Variants in FBXW7 observed in about 807,000 individuals in gnomAD.
FBXW7 encodes the protein F-box/WD repeat-containing protein 7.
FBXW7 carries 11 observed loss-of-function variants against 86.3 expected under a neutral mutation model. The ratio of observed to expected loss-of-function variants is 0.13; its 90% CI spans 0.08 to 0.21. The LOEUF (loss-of-function observed/expected upper bound fraction) is 0.21, where lower values mean the gene tolerates loss of function less well. FBXW7 is among the 10% of genes least tolerant of loss of function. FBXW7 has a pLI of 1.00. For missense variants in FBXW7, 488 were observed against 847.4 expected, an observed-to-expected ratio of 0.58 and a Z score of 5.27; for synonymous variants, 313 against 297.9, an observed-to-expected ratio of 1.05 and a Z score of -0.52.
chr4:152,496,109 C>T (rs1746319178), intron 2 of FBXW7, among the ~76,000 whole-genome samples: 2 of 152,070 alleles, frequency 1.3e-5, no homozygotes, highest in South Asian at 4.1e-4. Context: ...CCCAGGCAGT[C>T]AAGGCTGTGG....
chr4:152,423,335 G>C (rs1484514708), intron 2 of FBXW7, among the ~76,000 whole-genome samples: 1 of 152,074 alleles, frequency 6.6e-6, no homozygotes, highest in Non-Finnish European at 1.5e-5. Flanking sequence ...TGGTAATGCT[G>C]TATTACATGG....
intron 2 of FBXW7, among the ~76,000 whole-genome samples, chr4:152,436,703 T>A (rs981072400): frequency 6.6e-6 from 1 of 152,218 alleles, no homozygotes; most frequent in African/African-American, 2.4e-5. Flanking sequence ...GGTAGAACAG[T>A]GCTCATTTAC....
At chr4:152,440,548 A>C (rs1210469152) in intron 2 of FBXW7, among the ~76,000 whole-genome samples, 2 of 152,216 alleles carry the variant, frequency 1.3e-5, no homozygotes, top group African/African-American at 2.4e-5. Flanking sequence ...TAAAATATTT[A>C]AGTTTACCTG....
At chr4:152,492,344 T>C (rs1227655903) in intron 2 of FBXW7, among the ~76,000 whole-genome samples, 1 of 152,176 alleles carries the variant, frequency 6.6e-6, no homozygotes, top group African/African-American at 2.4e-5. Context: ...CGACTGTAAA[T>C]ATAATTTTTA....
chr4:152,516,050 TGGA>T (rs1370450024), intron 2 of FBXW7, among the ~76,000 whole-genome samples: 1 of 152,176 alleles, frequency 6.6e-6, no homozygotes, highest in Non-Finnish European at 1.5e-5. Context: ...CCGGTGAGCC[TGGA>T]GGAGAACCCA....
chr4:152,433,581 A>G (rs1036565402), intron 2 of FBXW7, among the ~76,000 whole-genome samples: 11 of 152,164 alleles, frequency 7.2e-5, no homozygotes, highest in African/African-American at 2.4e-4. Context: ...AAATAAATCA[A>G]TGACTCCTGT....
Position 152,535,271 on chromosome 4 carries a change from G to A in FBXW7, c.-357C>T, listed in dbSNP as rs1264355875. 3.7e-6 allele frequency: 1 copy of A among 266,852 alleles called. No homozygotes were observed. Among genetic ancestry groups the A allele is most frequent in the South Asian group, 1.7e-4 (1 of 5,878 alleles). 16.5% of individuals were successfully genotyped at this position (266,852 alleles called of 1,614,324 possible). ...GGTGGAGGCTGCGGCCGGCCCCCCGGGTCCCCCCCGGCCCCGCCGCCCTCG... is the reference window on the plus strand; with the variant it reads ...GGTGGAGGCTGCGGCCGGCCCCCCGAGTCCCCCCCGGCCCCGCCGCCCTCG... On this transcript the variant is annotated 5_prime_UTR_variant, in exon 1 of 14. Transcript: ENST00000281708.
Position 152,535,813 on chromosome 4 carries a change from G to C in FBXW7, c.-899C>G, listed in dbSNP as rs1478994932. ...CCTGCCCCCCAAGCCGCCGGCTCCG[G>C]CTCAGGCTCGGGCTCCGGCTCTGGC... On this transcript the variant is annotated 5_prime_UTR_variant, in exon 1 of 14. Transcript: ENST00000281708. 2.5e-6 allele frequency: 1 copy of C among 392,494 alleles called. No homozygotes were observed. The highest frequency in any genetic ancestry group is 3.6e-5 in the East Asian group (1 of 27,648). The allele number at this position is 392,494 out of a possible 1,614,324, so 24.3% of individuals were successfully genotyped here.
At chr4:152,331,526 GAGACAGAAAGT>G (rs1364007864) in intron 8 of FBXW7, among the ~76,000 whole-genome samples, 2 of 152,010 alleles carry the variant, frequency 1.3e-5, no homozygotes, top group Admixed American at 1.3e-4. Context: ...CAAACTCATA[GAGACAGAAAGT>G]AAAAGGGTGG....
intron 5 of FBXW7, chr4:152,348,822 A>T: frequency 2.4e-6 from 1 of 412,586 alleles, no homozygotes; most frequent in East Asian, 1.1e-4. Flanking sequence ...GAATAGTTTC[A>T]CTTGTCTCTC....
At chr4:152,481,871 T>C (rs1744914146) in intron 2 of FBXW7, among the ~76,000 whole-genome samples, 1 of 152,232 alleles carries the variant, frequency 6.6e-6, no homozygotes, top group Non-Finnish European at 1.5e-5. Context: ...TTTCTTTAGA[T>C]GGAATCCACT....
rs533840052 is a variant in FBXW7 at position 152,330,153 on chromosome 4, A to G, written c.1123-368T>C. 9.2e-5 allele frequency among the ~76,000 whole-genome samples: 14 copies of G among 152,030 alleles called. No homozygotes were observed. In the South Asian group the frequency reaches 2.9e-3, roughly 31 times the overall value. On this transcript the variant is annotated intron_variant, in intron 9 of 13. Coordinates refer to ENST00000281708, the MANE Select transcript of FBXW7 (RefSeq NM_001349798.2). Reference sequence around the variant, plus strand: ...AACAAAATAAGCATCTATTAACCACAAAGAGTAACAATTATTAGCATTCTT... The same window carrying G: ...AACAAAATAAGCATCTATTAACCACGAAGAGTAACAATTATTAGCATTCTT...
chr4:152,469,769 A>G (rs1271206621), intron 2 of FBXW7, among the ~76,000 whole-genome samples: 1 of 152,150 alleles, frequency 6.6e-6, no homozygotes, highest in East Asian at 1.9e-4. Context: ...AAAGAACAAG[A>G]GAGAAAAGGA....
At chr4:152,530,055 CA>C (rs576815451) in intron 2 of FBXW7, among the ~76,000 whole-genome samples, 452 of 82,808 alleles carry the variant, frequency 5.5e-3, no homozygotes, top group Middle Eastern at 6.5e-3. Flanking sequence ...GACCCCGTCA[CA>C]AAAAAAAAAA....
chr4:152,411,133 C>T, intron 4 of FBXW7, 170 bp downstream of exon 4: 2 of 1,082,030 alleles, frequency 1.8e-6, no homozygotes, highest in Non-Finnish European at 2.5e-6. Context: ...ATCAGTATTT[C>T]TACTTGTAAT....
At chr4:152,404,949 C>G (rs766171577) in intron 4 of FBXW7, among the ~76,000 whole-genome samples, 8 of 151,656 alleles carry the variant, frequency 5.3e-5, no homozygotes, top group Non-Finnish European at 8.8e-5. Flanking sequence ...AAAAATTAGC[C>G]AAGCGTGGTG....
intron 5 of FBXW7, among the ~76,000 whole-genome samples, chr4:152,348,154 TC>T (rs1025620570): frequency 2.0e-4 from 31 of 152,212 alleles, no homozygotes; most frequent in African/African-American, 7.2e-4. Context: ...GCTGTTTTTT[TC>T]TATCCAGCAT....
intron 2 of FBXW7, among the ~76,000 whole-genome samples, chr4:152,439,233 AT>A (rs913424260): frequency 3.8e-4 from 56 of 148,170 alleles, no homozygotes; most frequent in African/African-American, 6.9e-4. Flanking sequence ...TCCCACGTTA[AT>A]TTTTTTTTTT....
Position 152,322,698 on chromosome 4 carries a change from TGTC to T in FBXW7, c.*180_*182del. 9.9e-7 allele frequency: 1 copy of T among 1,007,678 alleles called. No homozygotes were observed. Among genetic ancestry groups the T allele is most frequent in the African/African-American group, 1.6e-5 (1 of 61,802 alleles). The allele number at this position is 1,007,678 out of a possible 1,614,324, so 62.4% of individuals were successfully genotyped here. ...GACGCCTCTCTTGTCAGTTATGGTTTGTCATCTCTTCTTCTTTTCCTTCTTAGT... is the reference window on the plus strand; with the variant it reads ...GACGCCTCTCTTGTCAGTTATGGTTTATCTCTTCTTCTTTTCCTTCTTAGT... On this transcript the variant is annotated 3_prime_UTR_variant, in exon 14 of 14. Transcript: ENST00000281708.
Sources: gnomAD v4.1 joint callset for allele counts (sites outside exome capture counted in the v4.1 genomes callset) on GRCh38, gnomAD v4.1.1 for gene constraint, MANE v1.5 for transcripts, NCBI Gene and HGNC (gene_info 2026-07-23, HGNC 2026-07-21) for gene names.